MAP4K5: variants seen among roughly 807,000 people sequenced by gnomAD.
MAP4K5 encodes the protein mitogen-activated protein kinase kinase kinase kinase 5.
Under a neutral mutation model 135.6 loss-of-function variants are expected in MAP4K5, and 82 were observed. The observed-to-expected ratio is 0.60, with a 90% CI of 0.51 to 0.73. MAP4K5 has a LOEUF of 0.73. MAP4K5 is among the 30% of genes least tolerant of loss of function. The pLI is 0.00. For missense variants in MAP4K5, 907 were observed against 1,010.9 expected (o/e 0.90, Z 1.39); for synonymous variants, 347 against 335.0 (o/e 1.04, Z -0.39).
Position 50,419,946 on chromosome 14 carries a change from T to G in MAP4K5, c.*73A>C. ...TTAAAGCAAATCATAGTGCAGTTTG[T>G]ATTGAATTTCCTTATTTTTCCTTTC... On this transcript the variant is annotated 3_prime_UTR_variant, in exon 33 of 33. Coordinates refer to ENST00000682126, the MANE Select transcript of MAP4K5 (RefSeq NM_006575.6). The G allele has an allele frequency of 1.0e-6, 1 of 993,664 alleles. No homozygotes were observed. The highest frequency in any genetic ancestry group is 1.6e-6 in the Non-Finnish European group (1 of 637,064). 61.6% of individuals were successfully genotyped at this position (993,664 alleles called of 1,614,324 possible). A position where few individuals can be genotyped will look rare whatever the true frequency, so the allele number is the denominator to read the frequency against.
chr14:50,490,311 A>G (rs2037457234), intron 3 of MAP4K5, among the ~76,000 whole-genome samples: 1 of 152,174 alleles, frequency 6.6e-6, no homozygotes, highest in Non-Finnish European at 1.5e-5. Flanking sequence ...AAATTATTAA[A>G]AGCTCCTAAA....
chr14:50,454,277 T>C (rs530256618), intron 14 of MAP4K5, among the ~76,000 whole-genome samples: 6 of 152,274 alleles, frequency 3.9e-5, no homozygotes, highest in South Asian at 2.1e-4. Flanking sequence ...CAGGCGAGTA[T>C]AGAATTTAAG....
intron 1 of MAP4K5, among the ~76,000 whole-genome samples, chr14:50,545,160 CA>C (rs2038615277): frequency 6.6e-6 from 1 of 152,048 alleles, no homozygotes; most frequent in Non-Finnish European, 1.5e-5. Flanking sequence ...ACACAGTAGG[CA>C]AAGAGCCAGA....
At chr14:50,552,920 A>G (rs1002533603) in intron 1 of MAP4K5, among the ~76,000 whole-genome samples, 1 of 152,218 alleles carries the variant, frequency 6.6e-6, no homozygotes, top group African/African-American at 2.4e-5. Context: ...AGAAGATAAC[A>G]TCAGAAAAAC....
At chr14:50,548,658 C>T (rs1364904965) in intron 1 of MAP4K5, among the ~76,000 whole-genome samples, 2 of 152,142 alleles carry the variant, frequency 1.3e-5, no homozygotes, top group African/African-American at 4.8e-5. Context: ...TACAGGCACA[C>T]ACCGCCACGC....
At chr14:50,469,044 G>A (rs1300429294) in intron 9 of MAP4K5, among the ~76,000 whole-genome samples, 1 of 152,062 alleles carries the variant, frequency 6.6e-6, no homozygotes, top group South Asian at 2.1e-4. Flanking sequence ...TTCTATTTTT[G>A]TGAATCTTGT....
intron 6 of MAP4K5, among the ~76,000 whole-genome samples, chr14:50,479,782 C>A (rs947200277): frequency 6.6e-6 from 1 of 152,016 alleles, no homozygotes; most frequent in African/African-American, 2.4e-5. Context: ...TTTGAATTTT[C>A]AAAAATACTC....
rs372738736 is a variant in MAP4K5 at position 50,450,621 on chromosome 14, A to C, written c.1016-1789T>G. On this transcript the variant is annotated intron_variant, in intron 14 of 32. Coordinates refer to ENST00000682126, the MANE Select transcript of MAP4K5 (RefSeq NM_006575.6). ...CAAAAATATGCAAAGAAGTTTTCTT[A>C]AGTCTTTGGCTGAATACTAAGGGCA... The C allele has an allele frequency of 2.0e-5, 3 of 152,328 alleles. No individual in the cohort carries two copies. In the South Asian group the frequency reaches 6.2e-4, roughly 32 times the overall value. The allele number at this position is 152,328 out of a possible 1,614,324, so 9.4% of individuals were successfully genotyped here.
chr14:50,439,762 G>A (rs2036184072), intron 23 of MAP4K5, among the ~76,000 whole-genome samples: 1 of 152,098 alleles, frequency 6.6e-6, no homozygotes, highest in Non-Finnish European at 1.5e-5. Context: ...ACGGCCTCTA[G>A]TGATAAGCAC....
intron 2 of MAP4K5, among the ~76,000 whole-genome samples, chr14:50,524,522 A>C (rs1020970187): frequency 1.2e-4 from 19 of 152,216 alleles, no homozygotes; most frequent in African/African-American, 4.6e-4. Flanking sequence ...GAGAAGTGAT[A>C]AATGATGAGT....
intron 9 of MAP4K5, among the ~76,000 whole-genome samples, chr14:50,473,798 G>A (rs1170729505): frequency 4.3e-5 from 6 of 138,534 alleles, no homozygotes; most frequent in African/African-American, 1.4e-4. Context: ...CACTCAGCTC[G>A]CTGTAAGCTC....
upstream of MAP4K5, among the ~76,000 whole-genome samples, chr14:50,536,273 C>T (rs891186252): frequency 6.6e-6 from 1 of 152,012 alleles, no homozygotes; most frequent in African/African-American, 2.4e-5. Flanking sequence ...CCCATCTCTG[C>T]TAAAACTACA....
At chr14:50,506,750 G>C (rs1255235029) in intron 2 of MAP4K5, among the ~76,000 whole-genome samples, 1 of 152,152 alleles carries the variant, frequency 6.6e-6, no homozygotes, top group African/African-American at 2.4e-5. Context: ...AGGTGTCTCA[G>C]GAAAGAAGAG....
chr14:50,436,517 C>CAT lies in MAP4K5; in HGVS notation c.1882+957_1882+958dup, dbSNP rs548247450. ...CATCAGATGACCTTTAGTGGGGCTG[C>CAT]ATACTGAGATCAGCAAGGTGGTCAA... On this transcript the variant is annotated intron_variant, in intron 26 of 32. Coordinates refer to ENST00000682126, the MANE Select transcript of MAP4K5 (RefSeq NM_006575.6). Among the ~76,000 whole-genome samples the CAT allele has an allele frequency of 4.0e-5, 6 of 151,222 alleles. No homozygotes were observed. In the South Asian group the frequency reaches 1.3e-3, roughly 32 times the overall value.
At chr14:50,553,619 A>C (rs554568570) in intron 1 of MAP4K5, among the ~76,000 whole-genome samples, 2 of 152,326 alleles carry the variant, frequency 1.3e-5, no homozygotes, top group South Asian at 4.1e-4. Flanking sequence ...CCAAAGGAAA[A>C]TAAGTCATTA....
chr14:50,512,896 A>G (rs2037959049), intron 2 of MAP4K5, among the ~76,000 whole-genome samples: 1 of 152,188 alleles, frequency 6.6e-6, no homozygotes, highest in South Asian at 2.1e-4. Flanking sequence ...AAGAATTGAA[A>G]GATCCTGCAT....
At chr14:50,434,364 A>G (rs764262280) in intron 28 of MAP4K5, 30 bp downstream of exon 28, 14 of 1,542,150 alleles carry the variant, frequency 9.1e-6, no homozygotes, top group East Asian at 2.3e-5. Flanking sequence ...AAAAATATCA[A>G]TATTCTAACA....
At chr14:50,525,918 C>T (rs1218997358) in intron 2 of MAP4K5, among the ~76,000 whole-genome samples, 1 of 152,050 alleles carries the variant, frequency 6.6e-6, no homozygotes, top group Non-Finnish European at 1.5e-5. Flanking sequence ...GCTGGTGTTT[C>T]CTGCCAGAAA....
intron 14 of MAP4K5, among the ~76,000 whole-genome samples, chr14:50,453,694 G>C (rs1339974017): frequency 6.6e-6 from 1 of 152,056 alleles, no homozygotes; most frequent in East Asian, 1.9e-4. Flanking sequence ...ACATACTCCC[G>C]GGTTTACTTT....
Sources: allele counts gnomAD v4.1 joint callset (sites outside exome capture counted in the v4.1 genomes callset), GRCh38; gene constraint gnomAD v4.1.1; transcripts MANE v1.5; gene names NCBI Gene and HGNC (gene_info 2026-07-23, HGNC 2026-07-21).